The following NOTCH2 variants were observed in gnomAD, a reference collection of about 807,000 sequenced individuals.
NOTCH2 encodes notch receptor 2.
In NOTCH2, 29 loss-of-function variants were observed where a neutral mutation model predicts 235.8. The observed-to-expected ratio is 0.12, with a 90% CI of 0.09 to 0.17. NOTCH2 has a LOEUF of 0.17. Ranked by LOEUF, NOTCH2 falls within the 10% of genes least tolerant of loss-of-function variation. The probability of loss-of-function intolerance (pLI) is 1.00; values close to 1 mark genes in which losing one functional copy is unlikely to be tolerated. For missense variants in NOTCH2, 2,285 were observed against 3,150.2 expected, an observed-to-expected ratio of 0.73 and a Z score of 6.57; for synonymous variants, 1,086 against 1,141.5, an observed-to-expected ratio of 0.95 and a Z score of 0.98.
chr1:119,950,558 G>T (rs1553197627), intron 15 of NOTCH2, 166 bp downstream of exon 15: 1 of 707,448 alleles, frequency 1.4e-6, no homozygotes, highest in African/African-American at 1.7e-5. Flanking sequence ...AGGCCACAAT[G>T]TTTCCTCAAA....
At chr1:119,984,916 T>G (rs1298241005) in intron 5 of NOTCH2, among the ~76,000 whole-genome samples, 1 of 152,100 alleles carries the variant, frequency 6.6e-6, no homozygotes, top group Non-Finnish European at 1.5e-5. Flanking sequence ...GGTAACCACT[T>G]GATCTGAGTC....
intron 12 of NOTCH2, among the ~76,000 whole-genome samples, chr1:119,955,614 T>A (rs1553198302): frequency 6.6e-6 from 1 of 152,266 alleles, no homozygotes; most frequent in East Asian, 1.9e-4. Flanking sequence ...ACATGCTTTG[T>A]GCCGGTTTAG....
intron 16 of NOTCH2, among the ~76,000 whole-genome samples, 194 bp downstream of exon 16, chr1:119,948,813 G>T (rs1015458554): frequency 6.6e-6 from 1 of 152,134 alleles, no homozygotes; most frequent in Non-Finnish European, 1.5e-5. Context: ...CCGCTAGGGG[G>T]CCCCGAAGAC....
chr1:119,968,297 C>A, intron 6 of NOTCH2, 65 bp from the exon 7 acceptor site: 1 of 1,536,968 alleles, frequency 6.5e-7, no homozygotes, highest in Admixed American at 1.8e-5. Flanking sequence ...AGAGCTTTCT[C>A]TTTCACCCAG....
At chr1:120,014,303 A>C (rs587756680) in intron 2 of NOTCH2, among the ~76,000 whole-genome samples, 737 of 152,158 alleles carry the variant, frequency 4.8e-3, no homozygotes, top group African/African-American at 0.017. Flanking sequence ...AGTGGCTCAC[A>C]CCTGTAATCC....
At position 120,005,317 on chromosome 1, in the gene NOTCH2, C is replaced by T. The variant is rs1652925307; in HGVS notation, c.415+12G>A. On this transcript the variant is annotated intron_variant, in intron 3 of 33. Coordinates refer to ENST00000256646, the MANE Select transcript of NOTCH2 (RefSeq NM_024408.4). ...AAGGTAGGAAACCACTGGCTTTGGTCTCATTAGTTACCTGTAAACCCGACT... is the reference window on the plus strand; with the variant it reads ...AAGGTAGGAAACCACTGGCTTTGGTTTCATTAGTTACCTGTAAACCCGACT... The T allele has an allele frequency of 4.3e-6, 7 of 1,614,014 alleles. No individual in the cohort carries two copies. Among genetic ancestry groups the T allele is most frequent in the Non-Finnish European group, 5.9e-6 (7 of 1,179,862 alleles).
At chr1:119,959,535 TGTTACCACAG>T (rs1553198779) in intron 11 of NOTCH2, 33 bp from the exon 12 acceptor site, 1 of 1,156,552 alleles carries the variant, frequency 8.6e-7, no homozygotes, top group Non-Finnish European at 1.3e-6. Flanking sequence ...AACCATTCAA[TGTTACCACAG>T]AAATACTAAG....
chr1:119,986,871 G>C (rs892474943), intron 5 of NOTCH2, 89 bp downstream of exon 5: 2 of 1,562,560 alleles, frequency 1.3e-6, no homozygotes, highest in East Asian at 4.5e-5. Context: ...GCAGGCCTAA[G>C]ATATTTGTTA....
chr1:120,069,449 G>A lies in NOTCH2; in HGVS notation c.-43C>T, dbSNP rs1553217995. 1.3e-6 allele frequency: 2 copies of A among 1,522,404 alleles called. No homozygotes were observed. The highest frequency in any genetic ancestry group is 1.2e-5 in the South Asian group (1 of 83,488). 94.3% of individuals were successfully genotyped at this position (1,522,404 alleles called of 1,614,324 possible). Reference sequence around the variant, plus strand: ...CCTCCGCCGCCGCCGCCGCCGCCTGGGCAGATCCACATGGGGAGGGGGTCC... The same window carrying A: ...CCTCCGCCGCCGCCGCCGCCGCCTGAGCAGATCCACATGGGGAGGGGGTCC... On this transcript the variant is annotated 5_prime_UTR_variant, in exon 1 of 34. Transcript: ENST00000256646.
At chr1:120,002,676 CTTT>C (rs1553205619) in intron 3 of NOTCH2, among the ~76,000 whole-genome samples, 2 of 142,402 alleles carry the variant, frequency 1.4e-5, no homozygotes. Context: ...TTTCCTCCTT[CTTT>C]TATTAAAAAC....
intron 1 of NOTCH2, among the ~76,000 whole-genome samples, chr1:120,051,269 A>G (rs1570787246): frequency 9.7e-6 from 1 of 103,012 alleles, no homozygotes; most frequent in Non-Finnish European, 1.7e-5. Context: ...ACACACACAC[A>G]CACACGCACA....
Position 119,940,571 on chromosome 1 carries a change from G to C in NOTCH2, c.3167C>G (p.Thr1056Ser), listed in dbSNP as rs1553196319. ...TYRCSCPLGYTGKNCQTLVNL... is the reference protein window; with the variant it reads ...TYRCSCPLGYSGKNCQTLVNL... ...GTCAATTACCTGACAGTTTTTCCCA[G>C]TGTAGCCCAGGGGGCAGCTGCAGCG... Residue 1056 changes from threonine (T) to serine (S), a missense_variant, in exon 19 of 34, where the codon ACT (threonine) becomes AGT (serine). By Grantham distance (58) the Thr-to-Ser change is moderately conservative (BLOSUM62 1). Transcript: ENST00000256646. 1 of 1,613,746 alleles carries C rather than the reference G, an allele frequency of 6.2e-7. No homozygotes were observed. Among genetic ancestry groups the C allele is most frequent in the Admixed American group, 1.7e-5 (1 of 60,016 alleles).
In NOTCH2 at chr1:119,955,184, C is replaced by T. The variant is rs782026650; in HGVS notation, c.2075G>A (p.Arg692His). The part of the protein sequence containing the change: ...DIDECASNPC[R>H]KGATCINGVN... The stretch of plus-strand genomic sequence containing the variant: ...ACCGTTGATACATGTTGCACCCTTG[C>T]GACAGGGATTGGAGGCACACTCATC... The change falls in exon 13 of 34, where the codon CGC becomes CAC. Residue 692 changes from arginine to histidine, a missense_variant. By Grantham distance (29) the Arg-to-His change is conservative. This residue lies in a region of NOTCH2 where 1,173 missense variants were observed against 1,515.3 expected (regional missense o/e 0.77). Transcript: ENST00000256646. The T allele has an allele frequency of 8.7e-6, 14 of 1,614,034 alleles. No homozygotes were observed. The highest frequency in any genetic ancestry group is 1.7e-4 in the Middle Eastern group (1 of 6,056).
At chr1:119,954,913 A>T in intron 13 of NOTCH2, 127 bp downstream of exon 13, 1 of 889,926 alleles carries the variant, frequency 1.1e-6, no homozygotes, top group South Asian at 1.4e-5. Context: ...TTTGATGCAG[A>T]CTACCAAATC....
intron 4 of NOTCH2, among the ~76,000 whole-genome samples, chr1:119,987,866 C>A (rs1383977180): frequency 1.3e-5 from 2 of 152,096 alleles, no homozygotes; most frequent in Non-Finnish European, 2.9e-5. Context: ...TTGACTTTTT[C>A]TTTTATGAAA....
At chr1:119,956,817 A>G (rs138482956) in intron 12 of NOTCH2, among the ~76,000 whole-genome samples, 136 of 152,298 alleles carry the variant, frequency 8.9e-4, no homozygotes, top group Middle Eastern at 6.8e-3. Context: ...TTTTCAAGCC[A>G]TCTTTATCTG....
chr1:119,935,156 G>T (rs782430685), intron 22 of NOTCH2: 2 of 1,232,808 alleles, frequency 1.6e-6, no homozygotes, highest in Non-Finnish European at 2.0e-6. Context: ...TTGCTTTTCT[G>T]TGAAGCAACA....
intron 12 of NOTCH2, among the ~76,000 whole-genome samples, chr1:119,959,122 G>A (rs916190704): frequency 6.6e-6 from 1 of 152,062 alleles, no homozygotes; most frequent in African/African-American, 2.4e-5. Flanking sequence ...TGTAACTCAA[G>A]CAAAGCAAAG....
At chr1:119,926,013 G>T (rs907330016) in intron 24 of NOTCH2, among the ~76,000 whole-genome samples, 2 of 152,216 alleles carry the variant, frequency 1.3e-5, no homozygotes, top group African/African-American at 4.8e-5. Flanking sequence ...ACCTCTGGCA[G>T]TGATAAAAGA....
Sources: gnomAD v4.1 joint callset for allele counts (sites outside exome capture counted in the v4.1 genomes callset) on GRCh38, gnomAD v4.1.1 for gene constraint, gnomAD v4.1.1 regional missense constraint, MANE v1.5 for transcripts, NCBI Gene and HGNC (gene_info 2026-07-23, HGNC 2026-07-21) for gene names.